Variants in CRABP1 observed in about 807,000 individuals in gnomAD.
The protein encoded by CRABP1 is cellular retinoic acid binding protein 1, also known as cellular retinoic acid-binding protein 1.
Under a neutral mutation model 16.4 loss-of-function variants are expected in CRABP1, and 9 were observed. The ratio of observed to expected loss-of-function variants is 0.55; its 90% confidence interval spans 0.33 to 0.96. The LOEUF is 0.96. CRABP1 is among the 40% of genes least tolerant of loss of function. CRABP1 has a pLI of 0.03. For synonymous variants in CRABP1, 72 were observed against 70.4 expected (o/e 1.02, Z -0.11); for missense variants, 157 against 186.0 (o/e 0.84, Z 0.91).
rs778818601 is a variant in CRABP1, at chr15:78,343,522, G to A, written c.273G>A (p.Glu91=). 6.2e-7 allele frequency: 1 copy of A among 1,614,142 alleles called. No homozygotes were observed. Among genetic ancestry groups the A allele is most frequent in the Admixed American group, 1.7e-5 (1 of 60,026 alleles). The part of the protein sequence containing the change: ...KCRSLATWEN[E]NKIHCTQTLL... ...AGAGTTTAGCCACTTGGGAGAATGA[G>A]AACAAGATCCACTGCACGCAAACTC... The change falls in exon 3 of 4, where the codon GAG becomes GAA. Residue 91 remains glutamate, a synonymous_variant. Transcript: ENST00000299529.
At chr15:78,345,968 T>G (rs866564485) in intron 3 of CRABP1, among the ~76,000 whole-genome samples, 8 of 152,192 alleles carry the variant, frequency 5.3e-5, no homozygotes, top group South Asian at 2.1e-4. Context: ...TCTGGAATAT[T>G]CTACAGAGAG....
At position 78,343,537 on chromosome 15, in the gene CRABP1, C is replaced by T; in HGVS notation, c.288C>T (p.Cys96=). ...GGGAGAATGAGAACAAGATCCACTG[C>T]ACGCAAACTCTTCTTGAAGGGGACG... ...ATWENENKIH[C]TQTLLEGDGP... Residue 96 remains cysteine (C), a synonymous_variant, in exon 3 of 4, where the codon TGC becomes TGT. Transcript: ENST00000299529. 6.2e-7 allele frequency: 1 copy of T among 1,614,188 alleles called. No individual in the cohort carries two copies. The highest frequency in any genetic ancestry group is 8.5e-7 in the Non-Finnish European group (1 of 1,180,026).
intron 3 of CRABP1, 61 bp from the exon 4 acceptor site, chr15:78,347,866 C>A (rs928241113): frequency 1.8e-5 from 27 of 1,525,152 alleles, no homozygotes; most frequent in Non-Finnish European, 2.3e-5. Flanking sequence ...TAGTGATATG[C>A]TTTAAACATT....
chr15:78,343,535 T>G lies in CRABP1; in HGVS notation c.286T>G (p.Cys96Gly). 1.2e-6 allele frequency: 2 copies of G among 1,614,218 alleles called. No individual in the cohort carries two copies. The highest frequency in any genetic ancestry group is 2.2e-5 in the East Asian group (1 of 44,886). ...TTGGGAGAATGAGAACAAGATCCACTGCACGCAAACTCTTCTTGAAGGGGA... is the reference window on the plus strand; with the variant it reads ...TTGGGAGAATGAGAACAAGATCCACGGCACGCAAACTCTTCTTGAAGGGGA... ...ATWENENKIH[C>G]TQTLLEGDGP... is the part of the protein sequence containing the mutation. Residue 96 changes from cysteine to glycine, a missense_variant, in exon 3 of 4, where the codon TGC becomes GGC. Physicochemically the swap from Cys to Gly is radical, Grantham distance 159. Coordinates refer to ENST00000299529, the MANE Select transcript of CRABP1 (RefSeq NM_004378.3).
chr15:78,342,966 T>G (rs766950512), intron 2 of CRABP1, among the ~76,000 whole-genome samples: 11 of 152,016 alleles, frequency 7.2e-5, no homozygotes, highest in Non-Finnish European at 1.6e-4. Context: ...ACCAAAAAAA[T>G]TAGCTGGGCG....
chr15:78,343,531 C>A lies in CRABP1; in HGVS notation c.282C>A (p.Ile94=). The A allele has an allele frequency of 6.2e-7, 1 of 1,614,154 alleles. No homozygotes were observed. ...CCACTTGGGAGAATGAGAACAAGAT[C>A]CACTGCACGCAAACTCTTCTTGAAG... is the stretch of plus-strand genomic sequence containing the variant. The part of the protein sequence containing the change: ...SLATWENENK[I]HCTQTLLEGD... The change falls in exon 3 of 4, where the codon ATC becomes ATA. Residue 94 remains isoleucine (I), a synonymous_variant. Coordinates refer to ENST00000299529, the MANE Select transcript of CRABP1 (RefSeq NM_004378.3).
intron 3 of CRABP1, among the ~76,000 whole-genome samples, chr15:78,346,629 A>G (rs1458832900): frequency 6.6e-6 from 1 of 152,210 alleles, no homozygotes; most frequent in Non-Finnish European, 1.5e-5. Flanking sequence ...ACATCACACC[A>G]TTGCACTCCA....
intron 2 of CRABP1, among the ~76,000 whole-genome samples, chr15:78,343,050 G>C (rs1210534992): frequency 6.6e-6 from 1 of 152,110 alleles, no homozygotes; most frequent in Admixed American, 6.6e-5. Flanking sequence ...GGGAGGTGGA[G>C]GTTGTAAGGA....
rs960704835 is a variant in CRABP1 at position 78,341,744 on chromosome 15, G to A, written c.249+523G>A. ...CTTCGGCCTGGTTCCTTAAAGGAACGGCGGAGTCTTTCCAAAAGCAAGGCA... is the reference window on the plus strand; with the variant it reads ...CTTCGGCCTGGTTCCTTAAAGGAACAGCGGAGTCTTTCCAAAAGCAAGGCA... On this transcript the variant is annotated intron_variant, in intron 2 of 3. Transcript: ENST00000299529. The surrounding 1 kb of genome is among the most constrained non-coding windows in gnomAD (Gnocchi z 5.3). The A allele has an allele frequency of 1.1e-5, 2 of 177,542 alleles. No homozygotes were observed. Among genetic ancestry groups the A allele is most frequent in the Non-Finnish European group, 2.4e-5 (2 of 82,792 alleles). The allele number at this position is 177,542 out of a possible 1,614,324, so 11.0% of individuals were successfully genotyped here.
chr15:78,347,698 A>T (rs934207364), intron 3 of CRABP1: 2 of 446,104 alleles, frequency 4.5e-6, no homozygotes, highest in Non-Finnish European at 7.8e-6. Context: ...CCATAAGCAA[A>T]GGAAAATGGT....
At position 78,341,268 on chromosome 15, in the gene CRABP1, C is replaced by G. The variant is rs1444207607; in HGVS notation, c.249+47C>G. 4 of 1,571,070 alleles carry G rather than the reference C, an allele frequency of 2.5e-6. No homozygotes were observed. The East Asian group carries it at 9.3e-5, about 37-fold the overall frequency. ...AGCGTCCCCGTGTCCCCGCTCGGTG[C>G]CCATGGCCCACTGCTGCTGGAGGAA... On this transcript the variant is annotated intron_variant, in intron 2 of 3. Coordinates refer to ENST00000299529, the MANE Select transcript of CRABP1 (RefSeq NM_004378.3). The surrounding 1 kb of genome is among the most constrained non-coding windows in gnomAD (Gnocchi z 5.3).
intron 2 of CRABP1, among the ~76,000 whole-genome samples, chr15:78,343,109 C>T (rs1001710251): frequency 6.6e-6 from 1 of 150,942 alleles, no homozygotes; most frequent in African/African-American, 2.4e-5. Context: ...AGCGAGACTC[C>T]ATCTCAAAAA....
intron 1 of CRABP1, 73 bp downstream of exon 1, chr15:78,340,571 G>A (rs2050227092): frequency 2.0e-6 from 3 of 1,522,018 alleles, no homozygotes; most frequent in African/African-American, 2.8e-5. Flanking sequence ...GAAGTGCCCC[G>A]GTCCTGGAGG....
At chr15:78,343,360 G>A in intron 2 of CRABP1, 139 bp from the exon 3 acceptor site, 1 of 683,388 alleles carries the variant, frequency 1.5e-6, no homozygotes, top group Non-Finnish European at 2.5e-6. Flanking sequence ...ATAAGGCTCA[G>A]CGGAGAAGAA....
intron 3 of CRABP1, among the ~76,000 whole-genome samples, chr15:78,345,319 C>G (rs1453266388): frequency 6.6e-6 from 1 of 152,172 alleles, no homozygotes; most frequent in Non-Finnish European, 1.5e-5. Flanking sequence ...TCTCTCTCTC[C>G]TCTTGTCCTT....
intron 3 of CRABP1, among the ~76,000 whole-genome samples, chr15:78,346,829 T>G (rs141389896): frequency 6.6e-6 from 1 of 152,200 alleles, no homozygotes; most frequent in African/African-American, 2.4e-5. Context: ...GATCCTAGGA[T>G]AGCTAAATGC....
chr15:78,347,186 G>C (rs2050271167), intron 3 of CRABP1, among the ~76,000 whole-genome samples: 1 of 152,032 alleles, frequency 6.6e-6, no homozygotes, highest in Admixed American at 6.6e-5. Flanking sequence ...CCTCCCTACA[G>C]CAAACAAACT....
At chr15:78,340,730 C>T (rs2050228344) in intron 1 of CRABP1, 1 of 604,040 alleles carries the variant, frequency 1.7e-6, no homozygotes, top group Middle Eastern at 4.5e-4. Context: ...GCGCCCTCCT[C>T]GATGGTGCGG....
At chr15:78,340,970 T>C in intron 1 of CRABP1, 73 bp from the exon 2 acceptor site, 1 of 1,472,222 alleles carries the variant, frequency 6.8e-7, no homozygotes, top group Non-Finnish European at 9.2e-7. Context: ...AGTTAGGGTA[T>C]GACCAGTGCC....
Sources: gnomAD v4.1 joint callset for allele counts (sites outside exome capture counted in the v4.1 genomes callset) on GRCh38, gnomAD v4.1.1 for gene constraint, Gnocchi (gnomAD v3.1) non-coding constraint, MANE v1.5 for transcripts, NCBI Gene and HGNC (gene_info 2026-07-23, HGNC 2026-07-21) for gene names.